Variants in NDUFAF6 observed in about 807,000 individuals in gnomAD.
The protein encoded by NDUFAF6 is NADH dehydrogenase (ubiquinone) complex I, assembly factor 6.
Under a neutral mutation model 40.8 loss-of-function variants are expected in NDUFAF6, and 45 were observed. The ratio of observed to expected loss-of-function variants is 1.10; its 90% CI spans 0.87 to 1.42. NDUFAF6 has a LOEUF of 1.42. Ranked by LOEUF, NDUFAF6 falls within the 40% of genes most tolerant of loss-of-function variation. The pLI, the probability that NDUFAF6 is intolerant of heterozygous loss-of-function variation, is 0.00. For missense variants in NDUFAF6, 435 were observed against 418.5 expected (o/e 1.04, Z -0.34); for synonymous variants, 185 against 155.9 (o/e 1.19, Z -1.39).
At chr8:94,954,000 T>C (rs1363989430), upstream of NDUFAF6, among the ~76,000 whole-genome samples, 1 of 152,224 alleles carries the variant, frequency 6.6e-6, no homozygotes, top group Non-Finnish European at 1.5e-5. Context: ...GCTTTATTCC[T>C]CTTTGATAGG....
intron 1 of NDUFAF6, among the ~76,000 whole-genome samples, chr8:94,897,813 CTT>C (rs1403804415): frequency 1.4e-5 from 2 of 146,700 alleles, no homozygotes; most frequent in Admixed American, 7.0e-5. Flanking sequence ...ATTTAAATGT[CTT>C]TTATTTCCAA....
At chr8:94,915,687 A>C (rs1030032591) in intron 1 of NDUFAF6, among the ~76,000 whole-genome samples, 4 of 152,202 alleles carry the variant, frequency 2.6e-5, no homozygotes, top group Non-Finnish European at 1.5e-5. Flanking sequence ...AATCCCACCA[A>C]CTGTGTCAGT....
At chr8:95,064,743 T>G (rs1462653136) in intron 9 of NDUFAF6, among the ~76,000 whole-genome samples, 1 of 152,022 alleles carries the variant, frequency 6.6e-6, no homozygotes, top group Non-Finnish European at 1.5e-5. Context: ...TAATCTTCCC[T>G]CACCTTTCTG....
intron 1 of NDUFAF6, among the ~76,000 whole-genome samples, chr8:94,900,104 G>A (rs1475108087): frequency 6.6e-6 from 1 of 152,120 alleles, no homozygotes; most frequent in Non-Finnish European, 1.5e-5. Flanking sequence ...TTCCTTTGTA[G>A]CACCTCTTCT....
intron 2 of NDUFAF6, among the ~76,000 whole-genome samples, chr8:94,997,357 G>GAGAC (rs1563778998): frequency 1.3e-5 from 2 of 150,866 alleles, no homozygotes; most frequent in African/African-American, 2.4e-5. Context: ...GAGAGAGAGA[G>GAGAC]AGAGAGAGAC....
downstream of NDUFAF6, chr8:95,078,662 A>AAATATATATATATGTATATAT (rs545018367): frequency 8.3e-5 from 10 of 121,040 alleles, no homozygotes; most frequent in Admixed American, 3.4e-4. Context: ...AAAAAAAAAA[A>AAATATATATATATGTATATAT]ATATATATAT....
At chr8:94,984,775 GAGA>G (rs1181413775) in intron 2 of NDUFAF6, among the ~76,000 whole-genome samples, 13 of 152,344 alleles carry the variant, frequency 8.5e-5, no homozygotes, top group Admixed American at 2.6e-4. Flanking sequence ...ACGGATGGGA[GAGA>G]AGAAGGTGTA....
At chr8:95,049,765 C>G (rs1831224960) in intron 7 of NDUFAF6, among the ~76,000 whole-genome samples, 1 of 152,134 alleles carries the variant, frequency 6.6e-6, no homozygotes, top group South Asian at 2.1e-4. Flanking sequence ...TTTCCATCAC[C>G]CTCAGTCTCC....
At chr8:94,992,264 G>A (rs1826228909) in intron 2 of NDUFAF6, among the ~76,000 whole-genome samples, 1 of 152,174 alleles carries the variant, frequency 6.6e-6, no homozygotes, top group South Asian at 2.1e-4. Context: ...AAGGGGGGCA[G>A]ATCACCTGAG....
intron 2 of NDUFAF6, among the ~76,000 whole-genome samples, chr8:95,002,971 A>G (rs1826802312): frequency 6.6e-6 from 1 of 152,248 alleles, no homozygotes; most frequent in Non-Finnish European, 1.5e-5. Flanking sequence ...AATTGGCCAC[A>G]GACAACTTCT....
downstream of NDUFAF6, among the ~76,000 whole-genome samples, chr8:95,059,968 T>A (rs2599711): frequency 0.76 from 114,114 of 150,378 alleles, 43,961 homozygotes; most frequent in East Asian, 0.94. Context: ...TGTCTGCAGG[T>A]CTTCCCAAGT....
intron 1 of NDUFAF6, among the ~76,000 whole-genome samples, chr8:94,909,561 G>A (rs1818627289): frequency 1.3e-5 from 2 of 151,546 alleles, no homozygotes; most frequent in African/African-American, 2.4e-5. Flanking sequence ...AGGAGGCTGA[G>A]GTTGCAGTGA....
rs190222749 is a variant in NDUFAF6, at chr8:94,924,896, C to G, written c.-935-20587C>G. Reference sequence around the variant, plus strand: ...GAGCTGGGATTACAGGCGTGTGCCACCATGCCTGGCTCATTTTTGTATTTT... The same window carrying G: ...GAGCTGGGATTACAGGCGTGTGCCAGCATGCCTGGCTCATTTTTGTATTTT... On this transcript the variant is annotated intron_variant, in intron 1 of 14. Transcript: ENST00000396113. Among the ~76,000 whole-genome samples the G allele has an allele frequency of 2.0e-5, 3 of 152,288 alleles. No homozygotes were observed. In the East Asian group the frequency reaches 5.8e-4, roughly 29 times the overall value.
intron 4 of NDUFAF6, 100 bp from the exon 5 acceptor site, chr8:95,045,445 T>G: frequency 1.3e-6 from 1 of 785,590 alleles, no homozygotes; most frequent in Non-Finnish European, 2.2e-6. Flanking sequence ...ATACTGAATA[T>G]TTTTATTCGT....
At chr8:95,009,214 AC>A (rs1224208713) in intron 2 of NDUFAF6, among the ~76,000 whole-genome samples, 1 of 151,880 alleles carries the variant, frequency 6.6e-6, no homozygotes, top group Non-Finnish European at 1.5e-5. Context: ...AAAAAAAAAA[AC>A]GAAAAATAAA....
chr8:95,074,424 C>T (rs1832971172), intron 9 of NDUFAF6, among the ~76,000 whole-genome samples: 1 of 113,610 alleles, frequency 8.8e-6, no homozygotes, highest in South Asian at 2.6e-4. Context: ...AAGTGTTTGA[C>T]CTGTGGCTGA....
At chr8:94,979,246 G>A (rs1000187199) in intron 1 of NDUFAF6, among the ~76,000 whole-genome samples, 1 of 152,074 alleles carries the variant, frequency 6.6e-6, no homozygotes, top group African/African-American at 2.4e-5. Context: ...ATTTTCAGAG[G>A]CTGACCAAGC....
chr8:94,974,072 G>A (rs78272917), intron 1 of NDUFAF6, among the ~76,000 whole-genome samples: 215 of 152,232 alleles, frequency 1.4e-3, no homozygotes, highest in Non-Finnish European at 1.8e-3. Flanking sequence ...CACTCAGCCA[G>A]TCCTCAAGGT....
intron 1 of NDUFAF6, among the ~76,000 whole-genome samples, chr8:94,959,508 A>G (rs547208372): frequency 2.7e-5 from 4 of 150,626 alleles, no homozygotes; most frequent in Admixed American, 6.7e-5. Flanking sequence ...AGCATTGGCC[A>G]ATTTTTTTGT....
Sources: gnomAD v4.1 joint callset for allele counts (sites outside exome capture counted in the v4.1 genomes callset) on GRCh38, gnomAD v4.1.1 for gene constraint, MANE v1.5 for transcripts, NCBI Gene and HGNC (gene_info 2026-07-23, HGNC 2026-07-21) for gene names.